OSBPL10: variants seen among roughly 807,000 people sequenced by gnomAD.
OSBPL10 encodes the protein oxysterol binding protein like 10.
In OSBPL10, 49 loss-of-function variants were observed where a neutral mutation model predicts 81.7. The observed-to-expected ratio is 0.60, with a 90% CI of 0.48 to 0.76. The LOEUF is 0.76. Among genes scored for constraint, OSBPL10 ranks in the 30% least tolerant of loss-of-function variants. The probability of loss-of-function intolerance (pLI) is 0.00; values close to 1 mark genes in which losing one functional copy is unlikely to be tolerated. For missense variants in OSBPL10, 923 were observed against 987.8 expected (o/e 0.93, Z 0.88); for synonymous variants, 419 against 383.6 (o/e 1.09, Z -1.08).
intron 1 of OSBPL10, among the ~76,000 whole-genome samples, chr3:31,902,791 C>A (rs983149373): frequency 1.3e-5 from 2 of 152,144 alleles, no homozygotes; most frequent in Non-Finnish European, 2.9e-5. Context: ...GTCTCGATCT[C>A]CTGACCTCGT....
chr3:31,686,832 G>A (rs1700803473), intron 7 of OSBPL10, among the ~76,000 whole-genome samples: 1 of 152,020 alleles, frequency 6.6e-6, no homozygotes, highest in Non-Finnish European at 1.5e-5. Context: ...GTGCTCTCTG[G>A]GGGCTGCTCT....
chr3:31,939,952 C>T (rs1433699837), intron 1 of OSBPL10, among the ~76,000 whole-genome samples: 2 of 152,166 alleles, frequency 1.3e-5, no homozygotes, highest in East Asian at 3.9e-4. Flanking sequence ...AACTCCTGGC[C>T]TCAAGCAATC....
chr3:31,813,679 T>G (rs1232085948), intron 4 of OSBPL10, among the ~76,000 whole-genome samples: 3 of 152,248 alleles, frequency 2.0e-5, no homozygotes, highest in Admixed American at 2.0e-4. Context: ...TACCCATGCT[T>G]TGTGTGTGCC....
chr3:32,028,770 ATC>A (rs1179217117), intron 2 of OSBPL10, among the ~76,000 whole-genome samples: 2 of 152,104 alleles, frequency 1.3e-5, no homozygotes, highest in African/African-American at 4.8e-5. Flanking sequence ...TGGCTAAGAA[ATC>A]TGCCCCTTTT....
intron 4 of OSBPL10, among the ~76,000 whole-genome samples, chr3:31,814,019 A>G (rs1432473353): frequency 6.6e-6 from 1 of 152,206 alleles, no homozygotes; most frequent in Non-Finnish European, 1.5e-5. Flanking sequence ...TCTGGGAAAG[A>G]GCCTGGCCCT....
At chr3:31,767,963 G>A (rs1698252077) in intron 4 of OSBPL10, among the ~76,000 whole-genome samples, 1 of 152,108 alleles carries the variant, frequency 6.6e-6, no homozygotes, top group Non-Finnish European at 1.5e-5. Context: ...AAGTAAAGGA[G>A]TAAAGGATAC....
chr3:31,743,032 T>TTAG (rs1697402401), intron 5 of OSBPL10, among the ~76,000 whole-genome samples: 1 of 1,974 alleles, frequency 5.1e-4, no homozygotes, highest in Non-Finnish European at 1.5e-3. Flanking sequence ...GCTAAATTAG[T>TTAG]TTTTTTTTTT....
At chr3:31,926,110 C>T (rs1162775476) in intron 1 of OSBPL10, among the ~76,000 whole-genome samples, 2 of 152,150 alleles carry the variant, frequency 1.3e-5, no homozygotes, top group Non-Finnish European at 2.9e-5. Context: ...TACACATGTA[C>T]GTTTCCTTTG....
chr3:31,945,779 C>T (rs114967021), intron 1 of OSBPL10, among the ~76,000 whole-genome samples: 2,733 of 152,250 alleles, frequency 0.018, 78 homozygotes, highest in African/African-American at 0.061. Context: ...TGTGACACAG[C>T]CTGAGACCTG....
At position 31,688,266 on chromosome 3, in the gene OSBPL10, A is replaced by ATCTC. The variant is rs72309837; in HGVS notation, c.1246-4156_1246-4153dup. Among the ~76,000 whole-genome samples, 11 of 130,820 alleles carry ATCTC rather than the reference A, an allele frequency of 8.4e-5. No homozygotes were observed. In the East Asian group the frequency reaches 9.7e-4, roughly 12 times the overall value. The allele number at this position is 130,820 out of a possible 152,430, so 85.8% of individuals were successfully genotyped here. A position where few individuals can be genotyped will look rare whatever the true frequency, so the allele number is the denominator to read the frequency against. ...ACTGCCCCCATCCCTCCCTGCACAA[A>ATCTC]TCTCTCTCTCTCTCTCTCACACACA... On this transcript the variant is annotated intron_variant, in intron 7 of 11. Coordinates refer to ENST00000396556, the MANE Select transcript of OSBPL10 (RefSeq NM_017784.5).
Position 32,033,152 on chromosome 3 carries a change from GT to G in OSBPL10, n.298+13338del, listed in dbSNP as rs148949537. On this transcript the variant is annotated intron_variant and non_coding_transcript_variant, in intron 2 of 3. Coordinates refer to the OSBPL10 transcript ENST00000479173. Reference sequence around the variant, plus strand: ...TTGAAATGTATATTAAAGCTCAGTGGTTTTTTGCTGTTGTTGAATCATTTTG... The same window carrying G: ...TTGAAATGTATATTAAAGCTCAGTGGTTTTTGCTGTTGTTGAATCATTTTG... Among the ~76,000 whole-genome samples the G allele has an allele frequency of 5.7e-3, 875 of 152,234 alleles. 21 individuals carry two copies. In the East Asian group the frequency reaches 0.089, roughly 15 times the overall value.
intron 4 of OSBPL10, among the ~76,000 whole-genome samples, chr3:31,826,775 A>C (rs574300416): frequency 8.5e-5 from 13 of 152,336 alleles, no homozygotes; most frequent in African/African-American, 3.1e-4. Context: ...ATTTGCTCGG[A>C]TAGCTCCCAA....
intron 4 of OSBPL10, among the ~76,000 whole-genome samples, chr3:31,804,037 T>C (rs1433557169): frequency 6.6e-6 from 1 of 152,226 alleles, no homozygotes; most frequent in Non-Finnish European, 1.5e-5. Context: ...TATCCTGTTT[T>C]TCATCATAGT....
Position 31,683,938 on chromosome 3 carries a change from T to C in OSBPL10, c.1422A>G (p.Leu474=). ...TAFHEGRKGA[L]AKKPYNPIIG... ...TGATGGGGTTGTAGGGCTTCTTGGC[T>C]AAAGCGCCCTTGCGGCCCTCGTGAA... The change falls in exon 8 of 12, where the codon TTA becomes TTG. Residue 474 remains leucine, a synonymous_variant. Transcript: ENST00000396556. 6.2e-7 allele frequency: 1 copy of C among 1,614,224 alleles called. No individual in the cohort carries two copies. Among genetic ancestry groups the C allele is most frequent in the Non-Finnish European group, 8.5e-7 (1 of 1,180,048 alleles).
At chr3:32,046,728 G>A (rs778524474) in intron 1 of OSBPL10, 2 of 152,106 alleles carry the variant, frequency 1.3e-5, no homozygotes, top group Non-Finnish European at 2.9e-5. Flanking sequence ...TTAACCAAGA[G>A]GTAGGGCATT....
chr3:31,931,427 C>T (rs1203632288), intron 1 of OSBPL10, among the ~76,000 whole-genome samples: 1 of 152,144 alleles, frequency 6.6e-6, no homozygotes. Context: ...TAGCTGGTCT[C>T]CATACTCCCC....
At chr3:32,026,058 G>A (rs377152319) in intron 2 of OSBPL10, among the ~76,000 whole-genome samples, 4 of 16,800 alleles carry the variant, frequency 2.4e-4, no homozygotes, top group African/African-American at 6.6e-4. Context: ...ATAGATAGAT[G>A]ATAGATAGAT....
intron 5 of OSBPL10, among the ~76,000 whole-genome samples, chr3:31,734,026 A>T (rs987501388): frequency 2.3e-4 from 35 of 152,070 alleles, no homozygotes; most frequent in Non-Finnish European, 4.7e-4. Context: ...GAAAAAAAAA[A>T]TTCTAAATAT....
chr3:31,901,524 A>C (rs1322668627), intron 1 of OSBPL10, among the ~76,000 whole-genome samples: 1 of 152,176 alleles, frequency 6.6e-6, no homozygotes, highest in African/African-American at 2.4e-5. Flanking sequence ...CCAGCTGAAA[A>C]AGGCCTGCCC....
Sources: gnomAD v4.1 joint callset for allele counts (sites outside exome capture counted in the v4.1 genomes callset) on GRCh38, gnomAD v4.1.1 for gene constraint, MANE v1.5 for transcripts, NCBI Gene and HGNC (gene_info 2026-07-23, HGNC 2026-07-21) for gene names.